The following LMO2 variants were observed in gnomAD, a reference collection of about 807,000 sequenced individuals.
LMO2 encodes the protein rhombotin-2.
A neutral mutation model predicts 23.2 loss-of-function variants in LMO2; 20 were observed. The ratio of observed to expected loss-of-function variants is 0.86; its 90% CI spans 0.61 to 1.25. LMO2 has a LOEUF of 1.25. Ranked by LOEUF, LMO2 falls within the 50% of genes most tolerant of loss-of-function variation. The probability of loss-of-function intolerance (pLI) is 0.00; values close to 1 mark genes in which losing one functional copy is unlikely to be tolerated. For synonymous variants in LMO2, 123 were observed against 130.2 expected, an observed-to-expected ratio of 0.94 and a Z score of 0.38; for missense variants, 270 against 315.3, an observed-to-expected ratio of 0.86 and a Z score of 1.09.
Position 33,858,973 on chromosome 11 carries a change from A to G in LMO2, c.*383T>C. 1 of 260,038 alleles carries G rather than the reference A, an allele frequency of 3.8e-6. No homozygotes were observed. The highest frequency in any genetic ancestry group is 5.4e-5 in the East Asian group (1 of 18,506). 16.1% of individuals were successfully genotyped at this position (260,038 alleles called of 1,614,324 possible). On this transcript the variant is annotated 3_prime_UTR_variant, in exon 6 of 6. Coordinates refer to ENST00000257818, the MANE Select transcript of LMO2 (RefSeq NM_005574.4). ...GCCAGGAAGAAAAGAAATCAATTGC[A>G]CATCTCTAGTTCGCAAGCGTCAAAG...
chr11:33,869,273 C>G, intron 4 of LMO2, 73 bp downstream of exon 4: 1 of 1,095,474 alleles, frequency 9.1e-7, no homozygotes, highest in Non-Finnish European at 1.1e-6. Context: ...GCGGGCCGCC[C>G]GGGTCCCCCC....
At chr11:33,862,766 A>T (rs1856631607) in intron 5 of LMO2, among the ~76,000 whole-genome samples, 1 of 152,198 alleles carries the variant, frequency 6.6e-6, no homozygotes, top group Non-Finnish European at 1.5e-5. Flanking sequence ...CTGTCAAGAG[A>T]TGTCCCATCT....
intron 1 of LMO2, among the ~76,000 whole-genome samples, chr11:33,886,775 C>T (rs1857419904): frequency 6.6e-6 from 1 of 152,170 alleles, no homozygotes; most frequent in Non-Finnish European, 1.5e-5. Flanking sequence ...TGTCTTGCTC[C>T]AAGATCCACA....
intron 1 of LMO2, among the ~76,000 whole-genome samples, chr11:33,886,187 A>G (rs189496307): frequency 6.6e-6 from 1 of 152,188 alleles, no homozygotes; most frequent in Admixed American, 6.5e-5. Context: ...CACAACTCTT[A>G]AGTCAGATTT....
At chr11:33,871,201 CTGTGTGTGTGTGTGTGTGTGTGTGTGTG>C (rs56309116) in intron 2 of LMO2, 2 of 160,002 alleles carry the variant, frequency 1.2e-5, no homozygotes, top group Admixed American at 7.1e-5. Flanking sequence ...TAATCAAAAG[CTGTGTGTGTGTGTGTGTGTGTGTGTGTG>C]TGTGTGTGTG....
chr11:33,871,008 T>G (rs988833643), intron 2 of LMO2: 1 of 945,642 alleles, frequency 1.1e-6, no homozygotes, highest in East Asian at 1.2e-4. Flanking sequence ...TTGTGCGTGA[T>G]GCCAGTCATT....
rs1189820828 is a variant in LMO2, at chr11:33,869,771, G to A, written c.-55C>T. 11 of 1,175,278 alleles carry A rather than the reference G, an allele frequency of 9.4e-6. No individual in the cohort carries two copies. Among genetic ancestry groups the A allele is most frequent in the Non-Finnish European group, 1.1e-5 (10 of 950,454 alleles). The allele number at this position is 1,175,278 out of a possible 1,614,324, so 72.8% of individuals were successfully genotyped here. A position where few individuals can be genotyped will look rare whatever the true frequency, so the allele number is the denominator to read the frequency against. ...CCTCTCGCGCGCTGTCGCCGGCTCC[G>A]CGCCGCCCGCGGGGATGGTGTGCGC... On this transcript the variant is annotated 5_prime_UTR_variant, in exon 3 of 6. Transcript: ENST00000257818.
intron 2 of LMO2, among the ~76,000 whole-genome samples, chr11:33,877,461 C>CTTTTTTTTTT (rs398015741): frequency 9.6e-6 from 1 of 104,420 alleles, no homozygotes; most frequent in Non-Finnish European, 1.8e-5. Flanking sequence ...TCTCCAGATT[C>CTTTTTTTTTT]TTTTTTTTTT....
At chr11:33,870,191 C>T in intron 2 of LMO2, 1 of 337,322 alleles carries the variant, frequency 3.0e-6, no homozygotes, top group South Asian at 1.2e-4. Flanking sequence ...GCTCAGCGAA[C>T]ACCTCTCCTT....
intron 1 of LMO2, among the ~76,000 whole-genome samples, chr11:33,884,396 G>A (rs549871196): frequency 6.6e-6 from 1 of 152,252 alleles, no homozygotes; most frequent in South Asian, 2.1e-4. Flanking sequence ...GGTGAGTGGG[G>A]CTGAGTGGGT....
chr11:33,891,346 AACACACACAC>A (rs57617009), intron 1 of LMO2, among the ~76,000 whole-genome samples: 39 of 125,058 alleles, frequency 3.1e-4, no homozygotes, highest in South Asian at 8.2e-4. Context: ...TTGTTAGGCA[AACACACACAC>A]ACACACACAC....
At chr11:33,875,761 G>A (rs2133706075) in intron 2 of LMO2, among the ~76,000 whole-genome samples, 1 of 152,282 alleles carries the variant, frequency 6.6e-6, no homozygotes, top group East Asian at 1.9e-4. Context: ...AGTTCAAGGT[G>A]GGAGTCAGAG....
chr11:33,870,089 TA>T, intron 2 of LMO2, 102 bp from the exon 3 acceptor site: 1 of 275,966 alleles, frequency 3.6e-6, no homozygotes, highest in East Asian at 1.4e-4. Flanking sequence ...TTTTTTTTTT[TA>T]AACGGGGCTC....
Position 33,869,707 on chromosome 11 carries a change from A to G in LMO2, c.7+3T>C. 1 of 1,287,830 alleles carries G rather than the reference A, an allele frequency of 7.8e-7. No homozygotes were observed. Among genetic ancestry groups the G allele is most frequent in the Non-Finnish European group, 1.0e-6 (1 of 994,586 alleles). The allele number at this position is 1,287,830 out of a possible 1,614,324, so 79.8% of individuals were successfully genotyped here. ...CAGCTGCTGCTGCTGCTCAGGACTTAACCTTCCATCCCGGTCCCGCCGCCG... is the reference window on the plus strand; with the variant it reads ...CAGCTGCTGCTGCTGCTCAGGACTTGACCTTCCATCCCGGTCCCGCCGCCG... On this transcript the variant is annotated splice_donor_region_variant and intron_variant, in intron 3 of 5. Coordinates refer to ENST00000257818, the MANE Select transcript of LMO2 (RefSeq NM_005574.4).
At chr11:33,881,180 A>C (rs1857273106) in intron 2 of LMO2, 1 of 456,866 alleles carries the variant, frequency 2.2e-6, no homozygotes, top group African/African-American at 2.0e-5. Context: ...CCCCTTTCCA[A>C]AGACTTCGAG....
At chr11:33,885,147 A>C (rs553028260) in intron 1 of LMO2, among the ~76,000 whole-genome samples, 2 of 152,320 alleles carry the variant, frequency 1.3e-5, no homozygotes, top group African/African-American at 4.8e-5. Flanking sequence ...AGCAGTGTGC[A>C]GGTGAGTTTA....
intron 5 of LMO2, among the ~76,000 whole-genome samples, chr11:33,860,855 A>G (rs1856546656): frequency 2.0e-5 from 3 of 152,210 alleles, no homozygotes; most frequent in Admixed American, 2.0e-4. Flanking sequence ...CACCCTGGGG[A>G]GAAGGCCCAG....
chr11:33,890,510 C>T (rs889546567), intron 1 of LMO2, among the ~76,000 whole-genome samples: 1 of 152,102 alleles, frequency 6.6e-6, no homozygotes, highest in Admixed American at 6.5e-5. Flanking sequence ...AGCCACCACG[C>T]GTGGCTAATT....
chr11:33,881,138 C>G (rs748859187), intron 2 of LMO2: 13 of 456,500 alleles, frequency 2.8e-5, no homozygotes, highest in African/African-American at 2.6e-4. Flanking sequence ...CTCTGATGAG[C>G]AGAGCATCTT....
Sources: allele counts gnomAD v4.1 joint callset (sites outside exome capture counted in the v4.1 genomes callset), GRCh38; gene constraint gnomAD v4.1.1; transcripts MANE v1.5; gene names NCBI Gene and HGNC (gene_info 2026-07-23, HGNC 2026-07-21).